The following USP47 variants were observed in gnomAD, a reference collection of about 807,000 sequenced individuals.
USP47 encodes the protein ubiquitin carboxyl-terminal hydrolase 47.
Under a neutral mutation model 165.1 loss-of-function variants are expected in USP47, and 35 were observed. That is an observed-to-expected ratio of 0.21 (90% CI 0.16 to 0.28). The LOEUF (loss-of-function observed/expected upper bound fraction) is 0.28, where lower values mean the gene tolerates loss of function less well. USP47 is among the 10% of genes least tolerant of loss of function. The pLI is 1.00. For missense variants in USP47, 1,277 were observed against 1,607.4 expected, an observed-to-expected ratio of 0.79 and a Z score of 3.52; for synonymous variants, 531 against 544.5, an observed-to-expected ratio of 0.98 and a Z score of 0.35.
chr11:11,949,861 C>A, intron 22 of USP47, 28 bp from the exon 23 acceptor site: 1 of 1,473,878 alleles, frequency 6.8e-7, no homozygotes, highest in Non-Finnish European at 9.5e-7. Context: ...ATAATTCAAG[C>A]TCTGATTGTT....
chr11:11,952,973 G>A (rs999335737), intron 25 of USP47, 102 bp downstream of exon 25: 26 of 974,778 alleles, frequency 2.7e-5, no homozygotes, highest in East Asian at 2.6e-4. Context: ...CCTGTGTTGC[G>A]TAAGAGAAAA....
intron 24 of USP47, 137 bp downstream of exon 24, chr11:11,950,619 C>T (rs1476566333): frequency 6.4e-6 from 4 of 629,260 alleles, no homozygotes; most frequent in African/African-American, 3.9e-5. Context: ...TTAAGCATAA[C>T]GATATCCTTA....
chr11:11,912,179 A>G (rs533245943), intron 8 of USP47, among the ~76,000 whole-genome samples: 1 of 151,986 alleles, frequency 6.6e-6, no homozygotes, highest in East Asian at 1.9e-4. Flanking sequence ...GAAGAGCAAA[A>G]GAAACCCAAA....
chr11:11,904,930 A>AT (rs1264555643), intron 7 of USP47, among the ~76,000 whole-genome samples: 1 of 152,182 alleles, frequency 6.6e-6, no homozygotes, highest in Non-Finnish European at 1.5e-5. Context: ...ATCAGAATAT[A>AT]TTATTGTGAG....
At chr11:11,845,996 T>A (rs7937824) in intron 1 of USP47, among the ~76,000 whole-genome samples, 119,216 of 152,076 alleles carry the variant, frequency 0.78, 47,470 homozygotes, top group African/African-American at 0.93. Flanking sequence ...GAGTCTGAGC[T>A]TCCTCAGTTC....
At chr11:11,842,408 A>C (rs1482300734) in intron 1 of USP47, among the ~76,000 whole-genome samples, 184 bp downstream of exon 1, 3 of 151,884 alleles carry the variant, frequency 2.0e-5, no homozygotes, top group Admixed American at 6.5e-5. Context: ...CGCTGGCTCT[A>C]GGGGCCGGGG....
intron 1 of USP47, among the ~76,000 whole-genome samples, chr11:11,863,055 G>C (rs1849476384): frequency 1.3e-5 from 2 of 152,172 alleles, no homozygotes; most frequent in South Asian, 4.1e-4. Context: ...TGGAGTTGAA[G>C]ATAAAGTGGA....
intron 1 of USP47, among the ~76,000 whole-genome samples, chr11:11,871,619 T>G (rs1308811233): frequency 6.6e-6 from 1 of 151,184 alleles, no homozygotes; most frequent in Non-Finnish European, 1.5e-5. Context: ...GCACTCTCTT[T>G]ACACACATAT....
chr11:11,845,288 G>A (rs1217408488), intron 1 of USP47, among the ~76,000 whole-genome samples: 1 of 152,010 alleles, frequency 6.6e-6, no homozygotes, highest in African/African-American at 2.4e-5. Context: ...AGTCAAACAG[G>A]TTTCTCTCTA....
At position 11,936,342 on chromosome 11, in the gene USP47, C is replaced by T; in HGVS notation, c.1909C>T (p.Arg637Cys). 3 of 1,605,600 alleles carry T rather than the reference C, an allele frequency of 1.9e-6. No individual in the cohort carries two copies. The highest frequency in any genetic ancestry group is 2.6e-6 in the Non-Finnish European group (3 of 1,174,782). ...LEEVIPLDCC[R>C]LVKYDEFHDY... ...AGAGGTAATACCCCTGGATTGCTGT[C>T]GCCTTGTTAAATATGATGAGTTTCA... The change falls in exon 17 of 28, where the codon CGC (arginine) becomes TGC (cysteine). Residue 637 changes from arginine (R) to cysteine (C), a missense_variant. This residue lies in a region of USP47 where 909 missense variants were observed against 1,068.1 expected (regional missense o/e 0.85). Transcript: ENST00000527733.
intron 7 of USP47, 29 bp downstream of exon 7, chr11:11,903,371 C>T: frequency 4.4e-6 from 7 of 1,585,072 alleles, no homozygotes; most frequent in Non-Finnish European, 6.0e-6. Flanking sequence ...ATCAAGGGGA[C>T]TGTTTCCTAA....
chr11:11,842,020 C>A lies in USP47; in HGVS notation c.-166C>A, dbSNP rs541126107. Reference sequence around the variant, plus strand: ...CGGCGGCGGCGGCGGAGCCCTGGGTCGGTGTCTGCGCGCTGGTGTCTGAGG... The same window carrying A: ...CGGCGGCGGCGGCGGAGCCCTGGGTAGGTGTCTGCGCGCTGGTGTCTGAGG... On this transcript the variant is annotated 5_prime_UTR_variant, in exon 1 of 28. Transcript: ENST00000527733. The A allele has an allele frequency of 3.6e-4, 268 of 752,612 alleles. 2 individuals are homozygous for A. In the African/African-American group the frequency reaches 4.2e-3, roughly 12 times the overall value. The allele number at this position is 752,612 out of a possible 1,614,324, so 46.6% of individuals were successfully genotyped here. A position where few individuals can be genotyped will look rare whatever the true frequency, so the allele number is the denominator to read the frequency against.
At chr11:11,848,888 C>T (rs532246451) in intron 1 of USP47, among the ~76,000 whole-genome samples, 2 of 152,244 alleles carry the variant, frequency 1.3e-5, no homozygotes, top group Non-Finnish European at 2.9e-5. Context: ...GGATTACAGG[C>T]GTGAGCCACC....
At chr11:11,897,174 A>T (rs1436905686) in intron 4 of USP47, among the ~76,000 whole-genome samples, 1 of 151,170 alleles carries the variant, frequency 6.6e-6, no homozygotes, top group African/African-American at 2.4e-5. Flanking sequence ...TCTACACTGG[A>T]TGTGTGTGGT....
intron 4 of USP47, among the ~76,000 whole-genome samples, chr11:11,895,586 G>A (rs190839034): frequency 5.9e-5 from 9 of 152,272 alleles, no homozygotes; most frequent in African/African-American, 2.2e-4. Flanking sequence ...ATGGGTTTGG[G>A]TACTCAACAT....
At chr11:11,881,970 A>G (rs1461780336) in intron 2 of USP47, among the ~76,000 whole-genome samples, 1 of 152,148 alleles carries the variant, frequency 6.6e-6, no homozygotes, top group Admixed American at 6.6e-5. Context: ...AGTGTGGTTA[A>G]GGAAGAAGAC....
At chr11:11,846,445 C>G (rs898294857) in intron 1 of USP47, among the ~76,000 whole-genome samples, 1 of 152,044 alleles carries the variant, frequency 6.6e-6, no homozygotes, top group East Asian at 1.9e-4. Context: ...TAAAGTAGTG[C>G]TCATGGACTC....
At chr11:11,913,098 G>A (rs1404340665) in intron 8 of USP47, among the ~76,000 whole-genome samples, 3 of 151,876 alleles carry the variant, frequency 2.0e-5, no homozygotes, top group Non-Finnish European at 4.4e-5. Flanking sequence ...GCTTGTCTAG[G>A]CAAGGATGTC....
intron 8 of USP47, among the ~76,000 whole-genome samples, chr11:11,916,955 G>T (rs1853466262): frequency 6.9e-6 from 1 of 145,320 alleles, no homozygotes; most frequent in African/African-American, 2.9e-5. Context: ...TTTGAGACCA[G>T]TTTGGGCAAC....
Sources: gnomAD v4.1 joint callset for allele counts (sites outside exome capture counted in the v4.1 genomes callset) on GRCh38, gnomAD v4.1.1 for gene constraint, gnomAD v4.1.1 regional missense constraint, MANE v1.5 for transcripts, NCBI Gene and HGNC (gene_info 2026-07-23, HGNC 2026-07-21) for gene names.